Variants in PPM1H observed in about 807,000 individuals in gnomAD.
The protein encoded by PPM1H is protein phosphatase 1H.
A neutral mutation model predicts 54.9 loss-of-function variants in PPM1H; 27 were observed. The ratio of observed to expected loss-of-function variants is 0.49; its 90% confidence interval spans 0.36 to 0.68. The LOEUF (loss-of-function observed/expected upper bound fraction) is 0.68. Ranked by LOEUF, PPM1H falls within the 30% of genes least tolerant of loss-of-function variation. PPM1H has a pLI of 0.00. For synonymous variants in PPM1H, 305 were observed against 270.8 expected (o/e 1.13, Z -1.24); for missense variants, 596 against 667.8 (o/e 0.89, Z 1.19).
rs2075773753 is a variant in PPM1H, at chr12:62,644,264, T to C, written c.*4225A>G. On this transcript the variant is annotated 3_prime_UTR_variant, in exon 10 of 10. Transcript: ENST00000228705. ...GGAAACCCAGACCATGATCCATTCC[T>C]TACAAATGATCTCCACCATGGGCCT... 6.6e-6 allele frequency: 1 copy of C among 152,122 alleles called. No individual in the cohort carries two copies. The highest frequency in any genetic ancestry group is 2.4e-5 in the African/African-American group (1 of 41,394). 9.4% of individuals were successfully genotyped at this position (152,122 alleles called of 1,614,324 possible).
intron 4 of PPM1H, among the ~76,000 whole-genome samples, chr12:62,765,915 G>C (rs954296892): frequency 1.3e-5 from 2 of 152,248 alleles, no homozygotes; most frequent in African/African-American, 4.8e-5. Context: ...AGGATGAGAA[G>C]TGACAGGTGA....
At chr12:62,845,097 G>A (rs1218741503) in intron 1 of PPM1H, among the ~76,000 whole-genome samples, 3 of 152,238 alleles carry the variant, frequency 2.0e-5, no homozygotes, top group Non-Finnish European at 4.4e-5. Flanking sequence ...AGAAGGCCCT[G>A]GAGGGCCAGG....
intron 1 of PPM1H, among the ~76,000 whole-genome samples, chr12:62,838,630 T>C (rs1238865975): frequency 6.9e-6 from 1 of 144,714 alleles, no homozygotes; most frequent in Non-Finnish European, 1.5e-5. Context: ...TCAAGAATAA[T>C]AGCTTCTCTG....
chr12:62,670,926 G>A (rs979728754), intron 8 of PPM1H, among the ~76,000 whole-genome samples: 3 of 151,962 alleles, frequency 2.0e-5, no homozygotes, highest in South Asian at 2.1e-4. Flanking sequence ...CTTACAACTC[G>A]TGTCCTATAC....
At position 62,844,888 on chromosome 12, in the gene PPM1H, C is replaced by T. The variant is rs570824655; in HGVS notation, c.246-12609G>A. On this transcript the variant is annotated intron_variant, in intron 1 of 9. Coordinates refer to ENST00000228705, the MANE Select transcript of PPM1H (RefSeq NM_020700.2). The surrounding 1 kb of genome is among the most constrained non-coding windows in gnomAD (Gnocchi z 5.2). ...TTCTCCTCATTTGATTTCTGCATTC[C>T]ATAGAAAAAAATTAATTATAAGCAC... Among the ~76,000 whole-genome samples the T allele has an allele frequency of 2.3e-4, 35 of 152,226 alleles. No homozygotes were observed. Among genetic ancestry groups the T allele is most frequent in the African/African-American group, 8.4e-4 (35 of 41,524 alleles).
At chr12:62,854,852 A>G (rs1261871180) in intron 1 of PPM1H, among the ~76,000 whole-genome samples, 1 of 152,210 alleles carries the variant, frequency 6.6e-6, no homozygotes, top group African/African-American at 2.4e-5. Context: ...TAAAAAATTT[A>G]GAAGTATGTT....
chr12:62,934,780 G>A lies in PPM1H; in HGVS notation c.-44C>T, dbSNP rs769341272. 9 of 1,445,824 alleles carry A rather than the reference G, an allele frequency of 6.2e-6. No homozygotes were observed. The African/African-American group carries it at 7.3e-5, about 12-fold the overall frequency. The allele number at this position is 1,445,824 out of a possible 1,614,324, so 89.6% of individuals were successfully genotyped here. ...TGCAGCGGTGCGAGCAGGAGGCGGCGGGGGCCGGGCAAGGCGCAGCGCGGG... is the reference window on the plus strand; with the variant it reads ...TGCAGCGGTGCGAGCAGGAGGCGGCAGGGGCCGGGCAAGGCGCAGCGCGGG... On this transcript the variant is annotated 5_prime_UTR_variant, in exon 1 of 10. Coordinates refer to ENST00000228705, the MANE Select transcript of PPM1H (RefSeq NM_020700.2). The surrounding 1 kb of genome is among the most constrained non-coding windows in gnomAD (Gnocchi z 4.2).
At chr12:62,723,044 A>G (rs1191581417) in intron 5 of PPM1H, among the ~76,000 whole-genome samples, 1 of 152,230 alleles carries the variant, frequency 6.6e-6, no homozygotes, top group Non-Finnish European at 1.5e-5. Flanking sequence ...AGCCTGGCCT[A>G]CCTTAAATGT....
At chr12:62,702,252 C>T (rs2076147777) in intron 6 of PPM1H, among the ~76,000 whole-genome samples, 5 of 152,152 alleles carry the variant, frequency 3.3e-5, no homozygotes, top group Admixed American at 2.0e-4. Context: ...TTATGATTCT[C>T]TCGTCTATTC....
intron 2 of PPM1H, among the ~76,000 whole-genome samples, chr12:62,811,880 C>T (rs552257376): frequency 7.4e-4 from 113 of 152,300 alleles, no homozygotes; most frequent in African/African-American, 1.9e-3. Context: ...GTCTCAGCAG[C>T]GTGAGAATAA....
At chr12:62,669,291 C>A (rs1182807632) in intron 8 of PPM1H, among the ~76,000 whole-genome samples, 1 of 152,178 alleles carries the variant, frequency 6.6e-6, no homozygotes, top group African/African-American at 2.4e-5. Flanking sequence ...AACAAGCAAC[C>A]CTCCTATGCT....
intron 1 of PPM1H, among the ~76,000 whole-genome samples, chr12:62,833,669 A>C (rs61922303): frequency 0.073 from 11,143 of 152,290 alleles, 498 homozygotes; most frequent in South Asian, 0.22. Flanking sequence ...GCAAGATGTA[A>C]GCGAGCGTGT....
At chr12:62,854,786 ACT>A (rs1490386820) in intron 1 of PPM1H, among the ~76,000 whole-genome samples, 1 of 152,004 alleles carries the variant, frequency 6.6e-6, no homozygotes, top group Admixed American at 6.6e-5. Flanking sequence ...AATGTTTGTC[ACT>A]CTCTTCTGGA....
At chr12:62,735,714 G>A (rs2076346189) in intron 5 of PPM1H, among the ~76,000 whole-genome samples, 1 of 152,190 alleles carries the variant, frequency 6.6e-6, no homozygotes, top group Non-Finnish European at 1.5e-5. Context: ...GGAAGCTGTG[G>A]TACAAGCACT....
At chr12:62,842,892 C>T (rs929669741) in intron 1 of PPM1H, among the ~76,000 whole-genome samples, 5 of 152,158 alleles carry the variant, frequency 3.3e-5, no homozygotes, top group South Asian at 2.1e-4. Context: ...ATCCTGGATC[C>T]GCAAGTAGGT....
intron 5 of PPM1H, among the ~76,000 whole-genome samples, chr12:62,731,115 T>C (rs1302340779): frequency 6.6e-6 from 1 of 152,212 alleles, no homozygotes; most frequent in Non-Finnish European, 1.5e-5. Flanking sequence ...GAAGTTCACA[T>C]TTAAATTTCT....
chr12:62,674,172 G>C (rs1222952385), intron 8 of PPM1H, among the ~76,000 whole-genome samples: 9 of 152,208 alleles, frequency 5.9e-5, no homozygotes, highest in Admixed American at 5.9e-4. Flanking sequence ...TTATGGCACT[G>C]ATCTCAGGGC....
chr12:62,722,310 C>A (rs557244322), intron 5 of PPM1H, among the ~76,000 whole-genome samples: 1 of 152,238 alleles, frequency 6.6e-6, no homozygotes, highest in African/African-American at 2.4e-5. Context: ...TAGGGGTTAC[C>A]ATGTGCCAGC....
At chr12:62,921,873 AT>A (rs1744806044) in intron 1 of PPM1H, among the ~76,000 whole-genome samples, 1 of 152,248 alleles carries the variant, frequency 6.6e-6, no homozygotes, top group Admixed American at 6.5e-5. Context: ...GGGGACTCAC[AT>A]AAAACCTCAC....
Sources: allele counts gnomAD v4.1 joint callset (sites outside exome capture counted in the v4.1 genomes callset), GRCh38; gene constraint gnomAD v4.1.1; non-coding constraint Gnocchi (gnomAD v3.1); transcripts MANE v1.5; gene names NCBI Gene and HGNC (gene_info 2026-07-23, HGNC 2026-07-21).